The following MSH4 variants were observed in gnomAD, a reference collection of about 807,000 sequenced individuals.
MSH4 encodes mutS homolog 4, also known as mutS protein homolog 4.
A neutral mutation model predicts 113.7 loss-of-function variants in MSH4; 106 were observed. That is an observed-to-expected ratio of 0.93 (90% CI 0.80 to 1.10). The LOEUF (loss-of-function observed/expected upper bound fraction) is 1.10. Among genes scored for constraint, MSH4 ranks in the 50% least tolerant of loss-of-function variants. The pLI, the probability that MSH4 is intolerant of heterozygous loss-of-function variation, is 0.00. For synonymous variants in MSH4, 368 were observed against 380.2 expected, an observed-to-expected ratio of 0.97 and a Z score of 0.37; for missense variants, 1,061 against 1,093.7, an observed-to-expected ratio of 0.97 and a Z score of 0.42.
At chr1:75,904,300 C>T (rs917224661) in intron 19 of MSH4, among the ~76,000 whole-genome samples, 1 of 152,022 alleles carries the variant, frequency 6.6e-6, no homozygotes, top group Non-Finnish European at 1.5e-5. Context: ...TTATGTTTAA[C>T]AGGAATATTG....
At chr1:75,838,653 T>C (rs1460786102) in intron 7 of MSH4, among the ~76,000 whole-genome samples, 2 of 152,238 alleles carry the variant, frequency 1.3e-5, no homozygotes, top group Non-Finnish European at 2.9e-5. Context: ...CATCTCTTGA[T>C]ACTCTTCACT....
In MSH4 at chr1:75,797,142, T is replaced by G; in HGVS notation, c.157T>G (p.Cys53Gly). The change falls in exon 1 of 20, where the codon TGT (cysteine) becomes GGT (glycine). Residue 53 changes from cysteine to glycine, a missense_variant. Coordinates refer to ENST00000263187, the MANE Select transcript of MSH4 (RefSeq NM_002440.4). Reference protein sequence around the residue: ...PSVQVVSASTCPGTSGAAGDR... With the variant: ...PSVQVVSASTGPGTSGAAGDR... ...GGTCCAGGTGGTCTCTGCATCCACC[T>G]GTCCTGGCACGTCAGGAGCTGCGGG... is the stretch of plus-strand genomic sequence containing the variant. 1 of 1,613,664 alleles carries G rather than the reference T, an allele frequency of 6.2e-7. No individual in the cohort carries two copies. Among genetic ancestry groups the G allele is most frequent in the Non-Finnish European group, 8.5e-7 (1 of 1,179,762 alleles).
chr1:75,890,575 G>T (rs968213860), intron 16 of MSH4, 121 bp from the exon 17 acceptor site: 4 of 510,650 alleles, frequency 7.8e-6, no homozygotes, highest in Non-Finnish European at 3.4e-6. Flanking sequence ...TGCTCAGCAG[G>T]ATGTCTCTAA....
intron 8 of MSH4, among the ~76,000 whole-genome samples, chr1:75,856,740 A>G (rs551403277): frequency 3.3e-5 from 5 of 152,322 alleles, no homozygotes; most frequent in East Asian, 3.9e-4. Context: ...TAGTGCTGCA[A>G]TAAACATACA....
chr1:75,841,861 G>T (rs1169139143), intron 7 of MSH4, among the ~76,000 whole-genome samples: 5 of 152,098 alleles, frequency 3.3e-5, no homozygotes, highest in Admixed American at 6.6e-5. Context: ...ACATAATGAA[G>T]AATATAACCG....
chr1:75,861,121 T>A (rs1326323207), intron 8 of MSH4, among the ~76,000 whole-genome samples: 1 of 152,214 alleles, frequency 6.6e-6, no homozygotes, highest in Non-Finnish European at 1.5e-5. Context: ...TCAGGACATT[T>A]AAGCTCTTCT....
chr1:75,846,464 T>C (rs186686560), intron 7 of MSH4, among the ~76,000 whole-genome samples: 17 of 152,344 alleles, frequency 1.1e-4, no homozygotes, highest in Admixed American at 1.1e-3. Context: ...TAGGTAGCTC[T>C]TCTGCCAGAT....
At position 75,867,594 on chromosome 1, in the gene MSH4, T is replaced by C; in HGVS notation, c.1305+6T>C. On this transcript the variant is annotated splice_donor_region_variant and intron_variant, in intron 9 of 19. Transcript: ENST00000263187. ...AACTTGTGGATCCTTTAAAGGTAAT[T>C]TATGTGTGTGTATCGTACAAAACAT... 1 of 1,531,204 alleles carries C rather than the reference T, an allele frequency of 6.5e-7. No homozygotes were observed. Among genetic ancestry groups the C allele is most frequent in the Non-Finnish European group, 8.9e-7 (1 of 1,117,594 alleles). 94.9% of individuals were successfully genotyped at this position (1,531,204 alleles called of 1,614,324 possible).
intron 7 of MSH4, among the ~76,000 whole-genome samples, chr1:75,830,255 A>C (rs890506813): frequency 2.6e-5 from 4 of 152,144 alleles, no homozygotes; most frequent in Non-Finnish European, 5.9e-5. Context: ...GGTAAAAAAA[A>C]CCGAACAAAG....
chr1:75,814,006 G>A (rs972432335), intron 4 of MSH4, among the ~76,000 whole-genome samples: 5 of 152,076 alleles, frequency 3.3e-5, no homozygotes, highest in Middle Eastern at 3.4e-3. Context: ...TATGAAAACC[G>A]GAGTTAATAA....
At chr1:75,885,908 T>C (rs3930133) in intron 15 of MSH4, among the ~76,000 whole-genome samples, 9,447 of 23,404 alleles carry the variant, frequency 0.4, 1,715 homozygotes, top group East Asian at 0.92. Context: ...TATTATTTAG[T>C]ATATATAATA....
intron 2 of MSH4, among the ~76,000 whole-genome samples, chr1:75,804,499 CTTTTTT>C (rs5775308): frequency 8.1e-6 from 1 of 123,290 alleles, no homozygotes; most frequent in Non-Finnish European, 1.7e-5. Flanking sequence ...TATGACCTTC[CTTTTTT>C]TTTTTTTTTT....
At chr1:75,850,301 TTCTC>T in intron 8 of MSH4, among the ~76,000 whole-genome samples, 1 of 152,256 alleles carries the variant, frequency 6.6e-6, no homozygotes, top group Middle Eastern at 3.4e-3. Context: ...TACTATAAAT[TTCTC>T]TCTGAGTAAT....
chr1:75,811,073 T>C (rs1441826850), intron 4 of MSH4, among the ~76,000 whole-genome samples: 1 of 152,164 alleles, frequency 6.6e-6, no homozygotes, highest in Admixed American at 6.5e-5. Context: ...GGTTTCACCA[T>C]GTTGGCCAGG....
chr1:75,857,753 C>A (rs1651352768), intron 8 of MSH4, among the ~76,000 whole-genome samples: 1 of 151,940 alleles, frequency 6.6e-6, no homozygotes, highest in African/African-American at 2.4e-5. Flanking sequence ...TATGCGGGCC[C>A]TTTTTTGGTT....
At chr1:75,802,043 C>T (rs1450573318) in intron 1 of MSH4, among the ~76,000 whole-genome samples, 1 of 151,932 alleles carries the variant, frequency 6.6e-6, no homozygotes, top group East Asian at 1.9e-4. Context: ...GTGGCATGAG[C>T]CTATAGTCCC....
At chr1:75,808,452 T>C (rs1170783662) in intron 3 of MSH4, among the ~76,000 whole-genome samples, 1 of 152,210 alleles carries the variant, frequency 6.6e-6, no homozygotes, top group Non-Finnish European at 1.5e-5. Flanking sequence ...TACTGTTCTG[T>C]TTTTATATGT....
chr1:75,805,974 C>T (rs1650050266), intron 2 of MSH4, among the ~76,000 whole-genome samples: 1 of 151,942 alleles, frequency 6.6e-6, no homozygotes, highest in Admixed American at 6.6e-5. Flanking sequence ...TCCACTTCAA[C>T]ATTTGATATT....
intron 5 of MSH4, among the ~76,000 whole-genome samples, chr1:75,815,999 C>A (rs1342671041): frequency 2.0e-5 from 3 of 152,062 alleles, no homozygotes; most frequent in Non-Finnish European, 4.4e-5. Flanking sequence ...CAGAGCTAGA[C>A]CCTGTCTCAA....
Sources: gnomAD v4.1 joint callset for allele counts (sites outside exome capture counted in the v4.1 genomes callset) on GRCh38, gnomAD v4.1.1 for gene constraint, MANE v1.5 for transcripts, NCBI Gene and HGNC (gene_info 2026-07-23, HGNC 2026-07-21) for gene names.